The following RYR3 variants were observed in gnomAD, a reference collection of about 807,000 sequenced individuals.
RYR3 encodes ryanodine receptor 3.
In RYR3, 207 loss-of-function variants were observed where a neutral mutation model predicts 584.3. The observed-to-expected ratio is 0.35, with a 90% confidence interval of 0.32 to 0.40. The LOEUF (loss-of-function observed/expected upper bound fraction) is 0.40. RYR3 is among the 10% of genes least tolerant of loss of function. The probability of loss-of-function intolerance (pLI) is 1.00; values close to 1 mark genes in which losing one functional copy is unlikely to be tolerated. For synonymous variants in RYR3, 2,416 were observed against 2,248.5 expected (o/e 1.07, Z -2.11); for missense variants, 5,616 against 6,089.2 (o/e 0.92, Z 2.59).
At chr15:33,549,843 A>C (rs952161717) in intron 9 of RYR3, among the ~76,000 whole-genome samples, 1 of 152,140 alleles carries the variant, frequency 6.6e-6, no homozygotes, top group Non-Finnish European at 1.5e-5. Flanking sequence ...CAAGCTTCCC[A>C]TTGATTTGTG....
At chr15:33,549,141 C>T (rs1340942760) in intron 9 of RYR3, among the ~76,000 whole-genome samples, 2 of 152,140 alleles carry the variant, frequency 1.3e-5, no homozygotes. Context: ...CACTTACTAA[C>T]TGGCTTGAGT....
chr15:33,818,720 C>G lies in RYR3; in HGVS notation c.10706+36C>G, dbSNP rs746876193. On this transcript the variant is annotated intron_variant, in intron 76 of 103. Coordinates refer to ENST00000634891, the MANE Select transcript of RYR3 (RefSeq NM_001036.6). ...CCAGCTCACCTGCTTCTCCCAGGCA[C>G]CAGGGATACTTGTGTCCACTCCTGA... The G allele has an allele frequency of 2.0e-6, 3 of 1,486,556 alleles. No individual in the cohort carries two copies. In the Admixed American group the frequency reaches 5.1e-5, roughly 25 times the overall value. 92.1% of individuals were successfully genotyped at this position (1,486,556 alleles called of 1,614,324 possible). A position where few individuals can be genotyped will look rare whatever the true frequency, so the allele number is the denominator to read the frequency against.
At chr15:33,360,512 G>A (rs1039856491) in intron 1 of RYR3, among the ~76,000 whole-genome samples, 2 of 152,320 alleles carry the variant, frequency 1.3e-5, no homozygotes, top group Admixed American at 6.5e-5. Context: ...CAGTTTACCA[G>A]TTCACCTGCT....
intron 25 of RYR3, among the ~76,000 whole-genome samples, chr15:33,635,383 G>A (rs940223963): frequency 6.6e-6 from 1 of 152,186 alleles, no homozygotes. Context: ...GGAAAACTGA[G>A]AAGTGGTCTC....
intron 10 of RYR3, among the ~76,000 whole-genome samples, chr15:33,552,468 G>T (rs1000565830): frequency 5.9e-5 from 9 of 152,164 alleles, no homozygotes; most frequent in Admixed American, 4.6e-4. Flanking sequence ...GCAGAGCTGG[G>T]GGCAAAAGTC....
chr15:33,380,698 A>G (rs1254005929), intron 1 of RYR3, among the ~76,000 whole-genome samples: 1 of 152,208 alleles, frequency 6.6e-6, no homozygotes, highest in African/African-American at 2.4e-5. Flanking sequence ...AGTGCTTTTC[A>G]GCTGGTGTGG....
At chr15:33,514,929 G>A (rs775107279) in intron 3 of RYR3, among the ~76,000 whole-genome samples, 15 of 152,030 alleles carry the variant, frequency 9.9e-5, no homozygotes, top group East Asian at 1.9e-4. Flanking sequence ...GCGTGAACCC[G>A]GGAGGCGGAG....
chr15:33,490,858 A>G (rs748590162), intron 2 of RYR3, among the ~76,000 whole-genome samples: 7 of 152,046 alleles, frequency 4.6e-5, no homozygotes, highest in Non-Finnish European at 1.0e-4. Context: ...GGTTTTGCTC[A>G]CTACTCAATT....
chr15:33,585,587 T>C (rs2058808228), intron 15 of RYR3, among the ~76,000 whole-genome samples: 1 of 152,242 alleles, frequency 6.6e-6, no homozygotes, highest in South Asian at 2.1e-4. Flanking sequence ...AAACTCAGAA[T>C]ATTTTCCAAA....
chr15:33,547,419 C>T (rs1426906214), intron 8 of RYR3, among the ~76,000 whole-genome samples: 2 of 152,156 alleles, frequency 1.3e-5, no homozygotes, highest in African/African-American at 2.4e-5. Context: ...ATGACATACT[C>T]GTGTTGGTTT....
intron 19 of RYR3, among the ~76,000 whole-genome samples, chr15:33,615,351 T>C (rs533549108): frequency 6.6e-6 from 1 of 152,352 alleles, no homozygotes; most frequent in Non-Finnish European, 1.5e-5. Flanking sequence ...AACCAAGATA[T>C]GTTTATATGT....
intron 99 of RYR3, chr15:33,858,868 C>T (rs1006661821): frequency 6.6e-6 from 1 of 152,462 alleles, no homozygotes; most frequent in African/African-American, 2.4e-5. Flanking sequence ...AAAGAGGTAA[C>T]ACTTCTTGAC....
intron 43 of RYR3, among the ~76,000 whole-genome samples, chr15:33,715,513 C>A (rs1247675418): frequency 6.6e-6 from 1 of 152,194 alleles, no homozygotes; most frequent in Non-Finnish European, 1.5e-5. Context: ...CTAGTTGCAG[C>A]TGGATTCTTA....
At position 33,788,396 on chromosome 15, in the gene RYR3, G is replaced by A. The variant is rs375009869; in HGVS notation, c.9768G>A (p.Ala3256=). Residue 3256 remains alanine, a synonymous_variant, in exon 67 of 104, where the codon GCG becomes GCA. Coordinates refer to ENST00000634891, the MANE Select transcript of RYR3 (RefSeq NM_001036.6). Reference sequence around the variant, plus strand: ...AACTCCTCATCCTGGACGAGTTCGCGGTCCTCTGCAGAGATCTCTATGCCT... The same window carrying A: ...AACTCCTCATCCTGGACGAGTTCGCAGTCCTCTGCAGAGATCTCTATGCCT... ...EAELLILDEF[A]VLCRDLYAFY... 4.1e-5 allele frequency: 66 copies of A among 1,613,808 alleles called. No individual in the cohort carries two copies. In the Admixed American group the frequency reaches 5.7e-4, roughly 14 times the overall value.
intron 1 of RYR3, among the ~76,000 whole-genome samples, chr15:33,361,416 A>G (rs1360307319): frequency 6.6e-6 from 1 of 152,236 alleles, no homozygotes; most frequent in Non-Finnish European, 1.5e-5. Flanking sequence ...GGCCGTCTCC[A>G]TTTTAGCAAG....
intron 1 of RYR3, among the ~76,000 whole-genome samples, chr15:33,354,123 T>A (rs2140952508): frequency 6.6e-6 from 1 of 152,342 alleles, no homozygotes; most frequent in Non-Finnish European, 1.5e-5. Context: ...GAGTACTTAT[T>A]GTTACTGCCC....
At chr15:33,473,729 A>C (rs2049136542) in intron 2 of RYR3, among the ~76,000 whole-genome samples, 191 bp downstream of exon 2, 1 of 152,218 alleles carries the variant, frequency 6.6e-6, no homozygotes, top group African/African-American at 2.4e-5. Context: ...AGGAACCCAG[A>C]GCACTATGAA....
At chr15:33,319,094 G>A (rs1968594572) in intron 1 of RYR3, among the ~76,000 whole-genome samples, 1 of 152,206 alleles carries the variant, frequency 6.6e-6, no homozygotes, top group South Asian at 2.1e-4. Context: ...CATCAACTCT[G>A]AAAATTTCAC....
At chr15:33,588,658 A>G (rs1337852448) in intron 16 of RYR3, among the ~76,000 whole-genome samples, 2 of 152,158 alleles carry the variant, frequency 1.3e-5, no homozygotes, top group East Asian at 3.8e-4. Flanking sequence ...CTATGTCCGC[A>G]TCTCCACATT....
Sources: gnomAD v4.1 joint callset for allele counts (sites outside exome capture counted in the v4.1 genomes callset) on GRCh38, gnomAD v4.1.1 for gene constraint, MANE v1.5 for transcripts, NCBI Gene and HGNC (gene_info 2026-07-23, HGNC 2026-07-21) for gene names.